The following TMPRSS5 variants were observed in gnomAD, a reference collection of about 807,000 sequenced individuals.
The protein encoded by TMPRSS5 is transmembrane serine protease 5, also known as transmembrane protease serine 5.
Under a neutral mutation model 59.7 loss-of-function variants are expected in TMPRSS5, and 45 were observed. The observed-to-expected ratio is 0.75, with a 90% confidence interval of 0.59 to 0.97. The LOEUF (loss-of-function observed/expected upper bound fraction) is 0.97. TMPRSS5 is among the 50% of genes least tolerant of loss of function. The probability of loss-of-function intolerance (pLI) is 0.00; values close to 1 mark genes in which losing one functional copy is unlikely to be tolerated. For missense variants in TMPRSS5, 585 were observed against 596.7 expected (o/e 0.98, Z 0.20); for synonymous variants, 225 against 232.0 (o/e 0.97, Z 0.27).
At position 113,699,793 on chromosome 11, in the gene TMPRSS5, C is replaced by T. The variant is rs115312818; in HGVS notation, c.107-100G>A. Reference sequence around the variant, plus strand: ...TATGGGGCTAGGCACCCACAGAGCTCCAACAGGACACCTCCTCCTGCCCCA... The same window carrying T: ...TATGGGGCTAGGCACCCACAGAGCTTCAACAGGACACCTCCTCCTGCCCCA... On this transcript the variant is annotated intron_variant, in intron 2 of 12. Transcript: ENST00000299882. 2,915 of 1,411,364 alleles carry T rather than the reference C, an allele frequency of 2.1e-3. 59 individuals carry two copies. The African/African-American group carries it at 0.038, about 19-fold the overall frequency. 87.4% of individuals were successfully genotyped at this position (1,411,364 alleles called of 1,614,324 possible).
chr11:113,700,790 G>T (rs1394085002), intron 1 of TMPRSS5, among the ~76,000 whole-genome samples: 1 of 152,182 alleles, frequency 6.6e-6, no homozygotes, highest in East Asian at 1.9e-4. Flanking sequence ...TACCTGATAT[G>T]GTTTAGCTGT....
intron 9 of TMPRSS5, among the ~76,000 whole-genome samples, chr11:113,691,877 C>CTTTTT (rs1229117467): frequency 2.6e-5 from 2 of 75,762 alleles, no homozygotes; most frequent in African/African-American, 1.8e-4. Context: ...AGAAAGTTTT[C>CTTTTT]TTTTCCTTTT....
chr11:113,698,968 T>C lies in TMPRSS5; in HGVS notation c.265A>G (p.Ile89Val). Reference sequence around the variant, plus strand: ...CTGGCCTCTGAGCAGCTCAAAGTTATCTCCTCATCCTGCAAGGTCCCGGAA... The same window carrying C: ...CTGGCCTCTGAGCAGCTCAAAGTTACCTCCTCATCCTGCAAGGTCCCGGAA... Reference protein sequence around the residue: ...PISGTLQDEEITLSCSEASAE... With the variant: ...PISGTLQDEEVTLSCSEASAE... Residue 89 changes from isoleucine (I) to valine (V), a missense_variant, in exon 4 of 13, where the codon ATA (isoleucine) becomes GTA (valine). Coordinates refer to ENST00000299882, the MANE Select transcript of TMPRSS5 (RefSeq NM_030770.4). 1 of 1,606,050 alleles carries C rather than the reference T, an allele frequency of 6.2e-7. No homozygotes were observed. The highest frequency in any genetic ancestry group is 8.5e-7 in the Non-Finnish European group (1 of 1,176,416).
chr11:113,691,053 C>T (rs1427249260), intron 9 of TMPRSS5, 114 bp from the exon 10 acceptor site: 2 of 964,736 alleles, frequency 2.1e-6, no homozygotes, highest in East Asian at 2.7e-5. Context: ...CTCAAACAGT[C>T]CTGGCTCCTG....
At chr11:113,695,349 G>T in intron 7 of TMPRSS5, 51 bp downstream of exon 7, 2 of 1,593,146 alleles carry the variant, frequency 1.3e-6, no homozygotes, top group Non-Finnish European at 1.7e-6. Flanking sequence ...GAGGCAGGGG[G>T]AACACCCCTT....
rs1039962857 is a variant in TMPRSS5, at chr11:113,697,014, G to T, written c.465-43C>A. The T allele has an allele frequency of 5.7e-6, 8 of 1,412,014 alleles. No homozygotes were observed. In the African/African-American group the frequency reaches 1.0e-4, roughly 18 times the overall value. The allele number at this position is 1,412,014 out of a possible 1,614,324, so 87.5% of individuals were successfully genotyped here. ...ATAGAACAGGAGGAAATCATAACTG[G>T]AATATGTACGAGATATAATACTAGT... On this transcript the variant is annotated intron_variant, in intron 5 of 12. Transcript: ENST00000299882.
chr11:113,689,681 C>A (rs1454989297), intron 12 of TMPRSS5, 84 bp downstream of exon 12: 6 of 1,479,350 alleles, frequency 4.1e-6, no homozygotes, highest in Non-Finnish European at 5.5e-6. Context: ...CCCAGCAGGG[C>A]CCGGGCCTAA....
chr11:113,700,134 G>A lies in TMPRSS5; in HGVS notation c.38C>T (p.Ala13Val). 5 of 1,580,878 alleles carry A rather than the reference G, an allele frequency of 3.2e-6. No homozygotes were observed. Among genetic ancestry groups the A allele is most frequent in the Non-Finnish European group, 2.6e-6 (3 of 1,162,140 alleles). The change falls in exon 2 of 13, where the codon GCC becomes GTC. Residue 13 changes from alanine to valine, a missense_variant. Physicochemically the swap from Ala to Val is moderately conservative, Grantham distance 64. Coordinates refer to ENST00000299882, the MANE Select transcript of TMPRSS5 (RefSeq NM_030770.4). ...LMLDDQPPME[A>V]QYAEEGPGPG... The stretch of plus-strand genomic sequence containing the variant: ...TCCTGGGCCCTCCTCTGCATACTGG[G>A]CCTCCATAGGGGGTTGGTCATCCAG...
intron 8 of TMPRSS5, chr11:113,693,634 C>T (rs1952847439): frequency 1.2e-5 from 2 of 165,930 alleles, no homozygotes; most frequent in Non-Finnish European, 2.6e-5. Context: ...GCACTTCTCC[C>T]TCTCAGCCTC....
chr11:113,702,532 C>T lies in TMPRSS5; in HGVS notation c.4-2364G>A, dbSNP rs150711651. ...TCTGAGGAGAAATTCCAGCCTGCTG[C>T]AGAAATTTGCATAAGTAATGAAGAG... On this transcript the variant is annotated intron_variant, in intron 1 of 12. Coordinates refer to ENST00000299882, the MANE Select transcript of TMPRSS5 (RefSeq NM_030770.4). Among the ~76,000 whole-genome samples the T allele has an allele frequency of 1.8e-4, 27 of 152,298 alleles. No individual in the cohort carries two copies. In the East Asian group the frequency reaches 4.2e-3, roughly 24 times the overall value.
At chr11:113,694,996 A>G (rs1478005767) in intron 7 of TMPRSS5, among the ~76,000 whole-genome samples, 2 of 151,806 alleles carry the variant, frequency 1.3e-5, no homozygotes, top group Admixed American at 6.6e-5. Flanking sequence ...AATGAAAGGA[A>G]CTCCACAGAT....
intron 3 of TMPRSS5, 67 bp from the exon 4 acceptor site, chr11:113,699,094 A>G (rs1953016228): frequency 6.4e-7 from 1 of 1,551,418 alleles, no homozygotes; most frequent in Non-Finnish European, 8.7e-7. Context: ...TGACCTCCTC[A>G]TCAGCCACCT....
In TMPRSS5 at chr11:113,689,846, C is replaced by T. The variant is rs771830482; in HGVS notation, c.1278G>A (p.Gly426=). 5 of 1,591,620 alleles carry T rather than the reference C, an allele frequency of 3.1e-6. No individual in the cohort carries two copies. The highest frequency in any genetic ancestry group is 1.3e-5 in the African/African-American group (1 of 74,396). Residue 426 remains glycine, a synonymous_variant, in exon 12 of 13, where the codon GGG becomes GGA. Coordinates refer to ENST00000299882, the MANE Select transcript of TMPRSS5 (RefSeq NM_030770.4). ...TWRLVGVVSW[G]RGCAEPNHPG... is the part of the protein sequence containing the mutation. ...GGTGATTGGGCTCTGCGCAGCCACG[C>T]CCCCAGCTGACCACCCCCACTAGGC... is the stretch of plus-strand genomic sequence containing the variant.
At chr11:113,699,948 A>G (rs1953079656) in intron 2 of TMPRSS5, 118 bp downstream of exon 2, 4 of 1,534,970 alleles carry the variant, frequency 2.6e-6, no homozygotes, top group Admixed American at 2.0e-5. Flanking sequence ...ATAAAGAGTG[A>G]GACAGCCTCT....
chr11:113,703,294 C>T (rs1953194445), intron 1 of TMPRSS5, among the ~76,000 whole-genome samples: 1 of 152,158 alleles, frequency 6.6e-6, no homozygotes. Flanking sequence ...GGATTTCAGA[C>T]TTGCATGGGG....
chr11:113,691,405 C>T (rs562629554), intron 9 of TMPRSS5, among the ~76,000 whole-genome samples: 22 of 152,342 alleles, frequency 1.4e-4, no homozygotes, highest in African/African-American at 5.1e-4. Context: ...CTTTCAGTCC[C>T]TCTAACCGCA....
At chr11:113,695,520 G>C (rs1025550992) in intron 6 of TMPRSS5, 77 bp from the exon 7 acceptor site, 2 of 1,467,876 alleles carry the variant, frequency 1.4e-6, no homozygotes, top group Non-Finnish European at 9.5e-7. Context: ...CGTGAAGAAT[G>C]GGGGAGGCTG....
At position 113,693,207 on chromosome 11, in the gene TMPRSS5, C is replaced by A; in HGVS notation, c.828G>T (p.Gly276=). The change falls in exon 9 of 13, where the codon GGG becomes GGT. Residue 276 remains glycine, a synonymous_variant. Transcript: ENST00000299882. ...GCCTGACGGCACTGTGGCTGACCAG[C>A]CCCGCATGAACCCGCCAGCTGGACA... ...ARLSSWRVHA[G]LVSHSAVRPH... is the part of the protein sequence containing the mutation. 1 of 1,591,936 alleles carries A rather than the reference C, an allele frequency of 6.3e-7. No individual in the cohort carries two copies. Among genetic ancestry groups the A allele is most frequent in the Non-Finnish European group, 8.6e-7 (1 of 1,168,264 alleles).
At chr11:113,699,887 A>G in intron 2 of TMPRSS5, 179 bp downstream of exon 2, 1 of 1,487,498 alleles carries the variant, frequency 6.7e-7, no homozygotes, top group Non-Finnish European at 9.0e-7. Context: ...AAGCCCACAA[A>G]TCCCACTCAA....
Sources: gnomAD v4.1 joint callset for allele counts (sites outside exome capture counted in the v4.1 genomes callset) on GRCh38, gnomAD v4.1.1 for gene constraint, MANE v1.5 for transcripts, NCBI Gene and HGNC (gene_info 2026-07-23, HGNC 2026-07-21) for gene names.